TOP1: variants seen among roughly 807,000 people sequenced by gnomAD.
TOP1 encodes DNA topoisomerase I, also known as DNA topoisomerase 1.
A neutral mutation model predicts 111.1 loss-of-function variants in TOP1; 10 were observed. That is an observed-to-expected ratio of 0.09 (90% CI 0.06 to 0.15). The LOEUF (loss-of-function observed/expected upper bound fraction) is 0.15, where lower values mean the gene tolerates loss of function less well. TOP1 is among the 10% of genes least tolerant of loss of function. TOP1 has a pLI of 1.00. For synonymous variants in TOP1, 271 were observed against 302.9 expected, an observed-to-expected ratio of 0.89 and a Z score of 1.10; for missense variants, 474 against 926.7, an observed-to-expected ratio of 0.51 and a Z score of 6.34.
At chr20:41,081,788 C>T (rs1484752944) in intron 7 of TOP1, among the ~76,000 whole-genome samples, 1 of 152,178 alleles carries the variant, frequency 6.6e-6, no homozygotes, top group Non-Finnish European at 1.5e-5. Context: ...ACACTAGCCT[C>T]CTTTGTTTCT....
Position 41,101,593 on chromosome 20 carries a change from C to T in TOP1, c.1308+240C>T, listed in dbSNP as rs1480708516. Reference sequence around the variant, plus strand: ...ATTTACTGAAATCCCAAATGTGCCCCACACAGTATACATTTGATGCTAGGA... The same window carrying T: ...ATTTACTGAAATCCCAAATGTGCCCTACACAGTATACATTTGATGCTAGGA... On this transcript the variant is annotated intron_variant, in intron 13 of 20. Coordinates refer to ENST00000361337, the MANE Select transcript of TOP1 (RefSeq NM_003286.4). The surrounding 1 kb of genome is among the most constrained non-coding windows in gnomAD (Gnocchi z 4.1). Among the ~76,000 whole-genome samples, 1 of 152,164 alleles carries T rather than the reference C, an allele frequency of 6.6e-6. No homozygotes were observed. Among genetic ancestry groups the T allele is most frequent in the Non-Finnish European group, 1.5e-5 (1 of 68,032 alleles).
In TOP1 at chr20:41,122,047, A is replaced by C; in HGVS notation, c.2087A>C (p.Glu696Ala). The C allele has an allele frequency of 6.2e-7, 1 of 1,614,092 alleles. No homozygotes were observed. The highest frequency in any genetic ancestry group is 1.1e-5 in the South Asian group (1 of 91,074). ...SKKKAVQRLE[E>A]QLMKLEVQAT... ...AAGAAGGCTGTTCAGAGACTGGAGG[A>C]ACAGTTGATGAAGCTGGAAGTTCAA... is the stretch of plus-strand genomic sequence containing the variant. The change falls in exon 20 of 21, where the codon GAA becomes GCA. Residue 696 changes from glutamate to alanine, a missense_variant. By Grantham distance (107) the Glu-to-Ala change is moderately radical (BLOSUM62 -1). Coordinates refer to ENST00000361337, the MANE Select transcript of TOP1 (RefSeq NM_003286.4). The surrounding 1 kb of genome is among the most constrained non-coding windows in gnomAD (Gnocchi z 5.4).
chr20:41,029,322 C>G lies in TOP1; in HGVS notation c.34-109C>G. 4.9e-6 allele frequency: 5 copies of G among 1,027,236 alleles called. No homozygotes were observed. The highest frequency in any genetic ancestry group is 6.8e-6 in the Non-Finnish European group (5 of 737,000). The allele number at this position is 1,027,236 out of a possible 1,614,324, so 63.6% of individuals were successfully genotyped here. The stretch of plus-strand genomic sequence containing the variant: ...CTGCCCTCTGTGGCCACCCCCGGGT[C>G]CCCGTCCTCCCCGGGGGCGCAGGGT... On this transcript the variant is annotated intron_variant, in intron 1 of 20. Coordinates refer to ENST00000361337, the MANE Select transcript of TOP1 (RefSeq NM_003286.4). This position sits in a 1 kb window ranked among gnomAD's most constrained non-coding sequence, Gnocchi z 6.1.
chr20:41,063,199 C>T (rs1481166387), intron 3 of TOP1, among the ~76,000 whole-genome samples: 1 of 152,208 alleles, frequency 6.6e-6, no homozygotes, highest in Middle Eastern at 3.2e-3. Context: ...ATTTGGTATT[C>T]TGTTCTTGCC....
Position 41,109,625 on chromosome 20 carries a change from C to T in TOP1, c.1309-3157C>T, listed in dbSNP as rs988826137. Among the ~76,000 whole-genome samples the T allele has an allele frequency of 6.6e-6, 1 of 152,108 alleles. No individual in the cohort carries two copies. Among genetic ancestry groups the T allele is most frequent in the African/African-American group, 2.4e-5 (1 of 41,416 alleles). On this transcript the variant is annotated intron_variant, in intron 13 of 20. Coordinates refer to ENST00000361337, the MANE Select transcript of TOP1 (RefSeq NM_003286.4). The surrounding 1 kb of genome is among the most constrained non-coding windows in gnomAD (Gnocchi z 4.1). ...AGCTCCATAATAAAAAAACAGACAT[C>T]CCATCCGCATAATAAAAAGAGCAAA...
At position 41,097,467 on chromosome 20, in the gene TOP1, A is replaced by G; in HGVS notation, c.852+126A>G. 1 of 992,300 alleles carries G rather than the reference A, an allele frequency of 1.0e-6. No homozygotes were observed. The highest frequency in any genetic ancestry group is 1.5e-6 in the Non-Finnish European group (1 of 689,086). 61.5% of individuals were successfully genotyped at this position (992,300 alleles called of 1,614,324 possible). On this transcript the variant is annotated intron_variant, in intron 10 of 20. Transcript: ENST00000361337. This position sits in a 1 kb window ranked among gnomAD's most constrained non-coding sequence, Gnocchi z 4.2. ...AGTTGTATGGATTTTGTTGTATTTA[A>G]ACTTGCGTATTTTTTGTCTTCATTT...
rs1475906795 is a variant in TOP1 at position 41,101,124 on chromosome 20, C to T, written c.1164-85C>T. The T allele has an allele frequency of 4.1e-6, 6 of 1,457,366 alleles. No individual in the cohort carries two copies. In the African/African-American group the frequency reaches 5.6e-5, roughly 14 times the overall value. 90.3% of individuals were successfully genotyped at this position (1,457,366 alleles called of 1,614,324 possible). A position where few individuals can be genotyped will look rare whatever the true frequency, so the allele number is the denominator to read the frequency against. On this transcript the variant is annotated intron_variant, in intron 12 of 20. Coordinates refer to ENST00000361337, the MANE Select transcript of TOP1 (RefSeq NM_003286.4). This position sits in a 1 kb window ranked among gnomAD's most constrained non-coding sequence, Gnocchi z 4.1. ...AGAAGGAAACTTGGAAAATTATGCTCAGCAGATAGGTCCACTTGGGGTCAT... is the reference window on the plus strand; with the variant it reads ...AGAAGGAAACTTGGAAAATTATGCTTAGCAGATAGGTCCACTTGGGGTCAT...
In TOP1 at chr20:41,029,818, TTCTC is replaced by T. The variant is rs2033095005; in HGVS notation, c.58+366_58+369del. On this transcript the variant is annotated intron_variant, in intron 2 of 20. Transcript: ENST00000361337. The surrounding 1 kb of genome is among the most constrained non-coding windows in gnomAD (Gnocchi z 6.1). The stretch of plus-strand genomic sequence containing the variant: ...CTCTCCTTTCTGTGCCTGTGTCTCT[TTCTC>T]TCCCTCCCTCGGCTCTTTCCTTGAG... The T allele has an allele frequency of 3.1e-6, 1 of 321,868 alleles. No homozygotes were observed. The highest frequency in any genetic ancestry group is 5.9e-6 in the Non-Finnish European group (1 of 168,966). The allele number at this position is 321,868 out of a possible 1,614,324, so 19.9% of individuals were successfully genotyped here.
intron 14 of TOP1, among the ~76,000 whole-genome samples, chr20:41,113,715 CAAAAAAAA>C (rs987087793): frequency 9.6e-6 from 1 of 103,650 alleles, no homozygotes; most frequent in Non-Finnish European, 2.2e-5. Flanking sequence ...ACTAAAAATA[CAAAAAAAA>C]AAAAAAAAAT....
At chr20:41,084,180 C>G (rs1426423249) in intron 7 of TOP1, among the ~76,000 whole-genome samples, 1 of 151,878 alleles carries the variant, frequency 6.6e-6, no homozygotes, top group Non-Finnish European at 1.5e-5. Context: ...TTTCCAAACT[C>G]CTTTGAGGTT....
Position 41,098,144 on chromosome 20 carries a change from C to T in TOP1, c.853-71C>T. 6.5e-7 allele frequency: 1 copy of T among 1,535,532 alleles called. No homozygotes were observed. The highest frequency in any genetic ancestry group is 9.0e-7 in the Non-Finnish European group (1 of 1,112,286). On this transcript the variant is annotated intron_variant, in intron 10 of 20. Transcript: ENST00000361337. The surrounding 1 kb of genome is among the most constrained non-coding windows in gnomAD (Gnocchi z 5.7). ...AAAAAATGGTGCTTGGGTGTATTTG[C>T]AAAGAAACCCAAGGACTTATTAGTG...
At chr20:41,075,046 GAT>G (rs1311756050) in intron 3 of TOP1, among the ~76,000 whole-genome samples, 24 of 152,120 alleles carry the variant, frequency 1.6e-4, no homozygotes, top group African/African-American at 5.8e-4. Flanking sequence ...TAAATAATTT[GAT>G]ATATTACAGT....
chr20:41,036,921 CCCAGGTTCACGCCAT>C (rs2033195311), intron 2 of TOP1, among the ~76,000 whole-genome samples: 1 of 151,536 alleles, frequency 6.6e-6, no homozygotes, highest in Admixed American at 6.6e-5. Context: ...AGCTCCGCCT[CCCAGGTTCACGCCAT>C]TCTCCTGCCT....
intron 3 of TOP1, chr20:41,072,298 T>C (rs542142580): frequency 1.0e-6 from 1 of 985,264 alleles, no homozygotes; most frequent in East Asian, 1.1e-4. Flanking sequence ...ATACAGTATC[T>C]CTTAAAACAG....
rs2033929075 is a variant in TOP1, at chr20:41,092,223, A to G, written c.615-249A>G. On this transcript the variant is annotated intron_variant, in intron 8 of 20. Coordinates refer to ENST00000361337, the MANE Select transcript of TOP1 (RefSeq NM_003286.4). The surrounding 1 kb of genome is among the most constrained non-coding windows in gnomAD (Gnocchi z 4.3). ...CCTTCATTGTTGATCTCTTCTGTCC[A>G]GTATTCTTAAACTGAGCTGTTGAAA... is the stretch of plus-strand genomic sequence containing the variant. Among the ~76,000 whole-genome samples, 2 of 152,194 alleles carry G rather than the reference A, an allele frequency of 1.3e-5. No homozygotes were observed. Among genetic ancestry groups the G allele is most frequent in the Non-Finnish European group, 2.9e-5 (2 of 68,042 alleles).
Position 41,028,835 on chromosome 20 carries a change from A to G in TOP1, c.-233A>G, listed in dbSNP as rs975819527. The G allele has an allele frequency of 4.0e-5, 21 of 523,418 alleles. No homozygotes were observed. The highest frequency in any genetic ancestry group is 8.1e-5 in the Admixed American group (2 of 24,784). The allele number at this position is 523,418 out of a possible 1,614,324, so 32.4% of individuals were successfully genotyped here. A position where few individuals can be genotyped will look rare whatever the true frequency, so the allele number is the denominator to read the frequency against. ...GCGCAGTGAGCCCAAATGCGAACTT[A>G]GGCTGTTACACAACTGCTGGGGTCT... On this transcript the variant is annotated 5_prime_UTR_variant, in exon 1 of 21. The change abolishes the stop of an existing upstream ORF in the 5' untranslated region. Coordinates refer to ENST00000361337, the MANE Select transcript of TOP1 (RefSeq NM_003286.4).
chr20:41,092,560 C>G lies in TOP1; in HGVS notation c.703C>G (p.Pro235Ala). 3 of 1,588,144 alleles carry G rather than the reference C, an allele frequency of 1.9e-6. No homozygotes were observed. The highest frequency in any genetic ancestry group is 2.6e-6 in the Non-Finnish European group (3 of 1,166,410). ...PVFAPPYEPLPENVKFYYDGK... is the reference protein window; with the variant it reads ...PVFAPPYEPLAENVKFYYDGK... The stretch of plus-strand genomic sequence containing the variant: ...ATTTGCCCCACCATATGAGCCTCTT[C>G]CAGAGAATGTCAAGTTTTATTATGA... Residue 235 changes from proline to alanine, a missense_variant, in exon 9 of 21, where the codon CCA becomes GCA. Around this residue, in one of 14 missense-constraint regions of TOP1, gnomAD observed 84 missense variants for 119.2 expected, o/e 0.70. Transcript: ENST00000361337. The surrounding 1 kb of genome is among the most constrained non-coding windows in gnomAD (Gnocchi z 4.3).
rs1197309244 is a variant in TOP1 at position 41,098,294 on chromosome 20, C to T, written c.932C>T (p.Ala311Val). 1 of 1,613,830 alleles carries T rather than the reference C, an allele frequency of 6.2e-7. No individual in the cohort carries two copies. Among genetic ancestry groups the T allele is most frequent in the Non-Finnish European group, 8.5e-7 (1 of 1,179,912 alleles). The change falls in exon 11 of 21, where the codon GCC becomes GTC. Residue 311 changes from alanine (A) to valine (V), a missense_variant. Around this residue, in one of 14 missense-constraint regions of TOP1, gnomAD observed 84 missense variants for 119.2 expected, o/e 0.70. Coordinates refer to ENST00000361337, the MANE Select transcript of TOP1 (RefSeq NM_003286.4). The surrounding 1 kb of genome is among the most constrained non-coding windows in gnomAD (Gnocchi z 5.7). ...ACCCAGATGAGCCAGTATTTCAAAG[C>T]CCAGACGGAAGCTCGGAAACAGATG... ...DFTQMSQYFKAQTEARKQMSK... is the reference protein window; with the variant it reads ...DFTQMSQYFKVQTEARKQMSK...
At chr20:41,111,004 C>T (rs1216526109) in intron 13 of TOP1, among the ~76,000 whole-genome samples, 1 of 152,184 alleles carries the variant, frequency 6.6e-6, no homozygotes, top group Non-Finnish European at 1.5e-5. Context: ...AAAAGTTGGT[C>T]TGGTAGTATC....
Sources: allele counts gnomAD v4.1 joint callset (sites outside exome capture counted in the v4.1 genomes callset), GRCh38; gene constraint gnomAD v4.1.1; regional missense constraint gnomAD v4.1.1; non-coding constraint Gnocchi (gnomAD v3.1); transcripts MANE v1.5; gene names NCBI Gene and HGNC (gene_info 2026-07-23, HGNC 2026-07-21).